CBLN2: variants seen among roughly 807,000 people sequenced by gnomAD.
The protein encoded by CBLN2 is cerebellin-2.
In CBLN2, 7 loss-of-function variants were observed where a neutral mutation model predicts 15.0. That is an observed-to-expected ratio of 0.47 (90% CI 0.27 to 0.88). CBLN2 has a LOEUF of 0.88. CBLN2 is among the 40% of genes least tolerant of loss of function. The pLI is 0.14. For synonymous variants in CBLN2, 149 were observed against 135.2 expected (o/e 1.10, Z -0.71); for missense variants, 242 against 304.5 (o/e 0.79, Z 1.53).
intron 1 of CBLN2, chr18:72,552,598 C>G (rs1207181352): frequency 6.6e-6 from 1 of 152,050 alleles, no homozygotes; most frequent in African/African-American, 2.4e-5. Context: ...CCAGTGACAT[C>G]CACGTTCTCC....
chr18:72,577,687 T>C (rs2069376967), intron 1 of CBLN2, among the ~76,000 whole-genome samples: 1 of 152,228 alleles, frequency 6.6e-6, no homozygotes. Context: ...TGGTGCTAAT[T>C]GGTGTCCTTT....
chr18:72,570,467 C>CA (rs1424514645), intron 1 of CBLN2, among the ~76,000 whole-genome samples: 1 of 150,538 alleles, frequency 6.6e-6, no homozygotes, highest in Non-Finnish European at 1.5e-5. Flanking sequence ...AGGCAAGTCT[C>CA]AAACTCCTGG....
chr18:72,575,101 C>A (rs2069356317), intron 1 of CBLN2, among the ~76,000 whole-genome samples: 1 of 152,022 alleles, frequency 6.6e-6, no homozygotes, highest in Non-Finnish European at 1.5e-5. Context: ...GATTAGAGAA[C>A]CTGGGAGGGT....
At chr18:72,571,759 C>A (rs1315877632) in intron 1 of CBLN2, among the ~76,000 whole-genome samples, 1 of 152,194 alleles carries the variant, frequency 6.6e-6, no homozygotes, top group East Asian at 1.9e-4. Context: ...CATATGGAAT[C>A]TTCCAGTAAA....
At chr18:72,585,644 C>T (rs1335930761) in intron 1 of CBLN2, among the ~76,000 whole-genome samples, 1 of 152,190 alleles carries the variant, frequency 6.6e-6, no homozygotes, top group African/African-American at 2.4e-5. Flanking sequence ...AGGCCTCAGG[C>T]CATCCCTGGC....
chr18:72,587,625 CTCTT>C (rs776891831), intron 1 of CBLN2, among the ~76,000 whole-genome samples: 35 of 152,110 alleles, frequency 2.3e-4, no homozygotes, highest in Non-Finnish European at 3.8e-4. Context: ...ATACAGGTGA[CTCTT>C]TCTGTTTGAC....
Position 72,566,028 on chromosome 18 carries a change from G to A in CBLN2, c.16-27256C>T, listed in dbSNP as rs557211379. Among the ~76,000 whole-genome samples the A allele has an allele frequency of 7.9e-5, 12 of 152,164 alleles. 1 individual carries two copies. The highest frequency in any genetic ancestry group is 3.3e-4 in the Admixed American group (5 of 15,276). ...AAAAGAGCTAAGTAGACATTTCTCC[G>A]AAGAAGACATACAAATGGTCCGCAG... is the stretch of plus-strand genomic sequence containing the variant. On this transcript the variant is annotated intron_variant, in intron 1 of 2. Coordinates refer to the CBLN2 transcript ENST00000581073.
In CBLN2 at chr18:72,542,139, G is replaced by T. The variant is rs2069119217; in HGVS notation, c.22C>A (p.Pro8Thr). Reference protein sequence around the residue: MQAPGRGPLGLRLMMPGR... With the variant: MQAPGRGTLGLRLMMPGR... ...GGCATCATCAGCCGCAGCCCGAGTG[G>T]CCCCCGGCCGGGCGCCTGCATCGGG... The change falls in exon 3 of 5, where the codon CCA becomes ACA. Residue 8 changes from proline to threonine, a missense_variant. By Grantham distance (38) the Pro-to-Thr change is conservative. This residue lies in a region of CBLN2 where 96 missense variants were observed against 83.8 expected (regional missense o/e 1.15). Transcript: ENST00000269503. 7.6e-7 allele frequency: 1 copy of T among 1,323,018 alleles called. No homozygotes were observed. The highest frequency in any genetic ancestry group is 2.1e-5 in the South Asian group (1 of 47,064). 82.0% of individuals were successfully genotyped at this position (1,323,018 alleles called of 1,614,324 possible). A position where few individuals can be genotyped will look rare whatever the true frequency, so the allele number is the denominator to read the frequency against.
intron 1 of CBLN2, among the ~76,000 whole-genome samples, chr18:72,578,998 C>T (rs1039779667): frequency 5.9e-5 from 9 of 152,148 alleles, no homozygotes; most frequent in African/African-American, 2.2e-4. Flanking sequence ...ATGGAGCTGT[C>T]CTACTGTCAC....
rs935562659 is a variant in CBLN2, at chr18:72,588,238, C to A, written c.16-49466G>T. Among the ~76,000 whole-genome samples the A allele has an allele frequency of 1.3e-5, 2 of 152,300 alleles. 1 individual carries two copies. The highest frequency in any genetic ancestry group is 2.9e-5 in the Non-Finnish European group (2 of 68,030). ...TGAGGAGGTTATGTTTATTCAGCAA[C>A]AATCCCCACTCCAAATCAGTTGATA... is the stretch of plus-strand genomic sequence containing the variant. On this transcript the variant is annotated intron_variant, in intron 1 of 2. Coordinates refer to the CBLN2 transcript ENST00000581073.
chr18:72,621,695 T>A (rs1036841950), intron 1 of CBLN2, among the ~76,000 whole-genome samples: 10 of 152,154 alleles, frequency 6.6e-5, no homozygotes, highest in African/African-American at 2.2e-4. Flanking sequence ...GAAGCTTTCG[T>A]GAAAGCTCTG....
intron 1 of CBLN2, among the ~76,000 whole-genome samples, chr18:72,570,041 G>A (rs923275934): frequency 2.0e-5 from 3 of 152,154 alleles, no homozygotes; most frequent in African/African-American, 4.8e-5. Flanking sequence ...TCCAGCGAGT[G>A]TATACATACA....
chr18:72,630,716 T>C (rs2069770538), intron 1 of CBLN2, among the ~76,000 whole-genome samples: 1 of 152,190 alleles, frequency 6.6e-6, no homozygotes, highest in African/African-American at 2.4e-5. Context: ...TGTCCTTTCA[T>C]AGGTACTAAC....
intron 1 of CBLN2, among the ~76,000 whole-genome samples, chr18:72,615,028 A>G (rs2069647301): frequency 7.2e-6 from 1 of 139,698 alleles, no homozygotes. Flanking sequence ...ACTTAAGGAG[A>G]TCAAGTACAT....
At chr18:72,556,782 C>A (rs2069229452) in intron 1 of CBLN2, among the ~76,000 whole-genome samples, 1 of 151,832 alleles carries the variant, frequency 6.6e-6, no homozygotes. Flanking sequence ...TAGGTAGATT[C>A]TCAGCGTATT....
At chr18:72,586,751 G>A (rs941250182) in intron 1 of CBLN2, among the ~76,000 whole-genome samples, 10 of 152,140 alleles carry the variant, frequency 6.6e-5, no homozygotes, top group African/African-American at 2.4e-4. Flanking sequence ...ATATTGGGGA[G>A]CAATTACCAT....
chr18:72,589,219 G>A (rs536631517), intron 1 of CBLN2, among the ~76,000 whole-genome samples: 8 of 152,284 alleles, frequency 5.3e-5, no homozygotes, highest in Non-Finnish European at 8.8e-5. Context: ...GGAGTAAAAT[G>A]TGTGAAACAT....
rs967874583 is a variant in CBLN2, at chr18:72,537,767, G to T, written c.*409C>A. 20 of 268,890 alleles carry T rather than the reference G, an allele frequency of 7.4e-5. No homozygotes were observed. The highest frequency in any genetic ancestry group is 4.6e-4 in the Admixed American group (9 of 19,678). The allele number at this position is 268,890 out of a possible 1,614,324, so 16.7% of individuals were successfully genotyped here. A position where few individuals can be genotyped will look rare whatever the true frequency, so the allele number is the denominator to read the frequency against. On this transcript the variant is annotated 3_prime_UTR_variant, in exon 5 of 5. Transcript: ENST00000269503. ...TGTCCAGCAGGTGGTTCTTTGCTGG[G>T]CTCCTACTTCAAGCCCTGACTGCAA...
chr18:72,556,398 G>A (rs1332367554), intron 1 of CBLN2, among the ~76,000 whole-genome samples: 2 of 152,128 alleles, frequency 1.3e-5, no homozygotes, highest in Middle Eastern at 3.2e-3. Context: ...TGCCACATAA[G>A]TGTGAAATTT....
Sources: allele counts gnomAD v4.1 joint callset (sites outside exome capture counted in the v4.1 genomes callset), GRCh38; gene constraint gnomAD v4.1.1; regional missense constraint gnomAD v4.1.1; transcripts MANE v1.5; gene names NCBI Gene and HGNC (gene_info 2026-07-23, HGNC 2026-07-21).